The following WIF1 variants were observed in gnomAD, a reference collection of about 807,000 sequenced individuals.
The protein encoded by WIF1 is Wnt inhibitory factor 1.
Under a neutral mutation model 53.5 loss-of-function variants are expected in WIF1, and 35 were observed. That is an observed-to-expected ratio of 0.65 (90% CI 0.50 to 0.87). WIF1 has a LOEUF of 0.87. Among genes scored for constraint, WIF1 ranks in the 40% least tolerant of loss-of-function variants. The pLI is 0.00. For synonymous variants in WIF1, 171 were observed against 170.4 expected (o/e 1.00, Z -0.03); for missense variants, 467 against 476.8 (o/e 0.98, Z 0.19).
chr12:65,090,020 C>T (rs1430886753), intron 2 of WIF1, among the ~76,000 whole-genome samples: 2 of 152,252 alleles, frequency 1.3e-5, no homozygotes, highest in East Asian at 3.9e-4. Context: ...ATAGGTAACT[C>T]ACCTTTTACC....
At chr12:65,099,674 C>T (rs563915534) in intron 2 of WIF1, among the ~76,000 whole-genome samples, 2 of 152,254 alleles carry the variant, frequency 1.3e-5, no homozygotes, top group Non-Finnish European at 1.5e-5. Context: ...CTATATCTAC[C>T]CTTTCCTCTT....
At chr12:65,116,400 C>T (rs116182037) in intron 2 of WIF1, among the ~76,000 whole-genome samples, 1 of 151,852 alleles carries the variant, frequency 6.6e-6, no homozygotes, top group African/African-American at 2.4e-5. Context: ...TGTAAGGGAT[C>T]TAGGTTATGC....
chr12:65,117,524 A>AT (rs1883531254), intron 2 of WIF1, among the ~76,000 whole-genome samples: 1 of 152,114 alleles, frequency 6.6e-6, no homozygotes. Flanking sequence ...TGTGGAAGAC[A>AT]TTTTTTCCAT....
chr12:65,070,792 T>A (rs1461991593), intron 3 of WIF1, among the ~76,000 whole-genome samples: 1 of 152,148 alleles, frequency 6.6e-6, no homozygotes, highest in Non-Finnish European at 1.5e-5. Flanking sequence ...GAAGAGAAGA[T>A]GCCTATCAGT....
chr12:65,080,050 A>G (rs1191820807), intron 2 of WIF1, among the ~76,000 whole-genome samples: 1 of 152,224 alleles, frequency 6.6e-6, no homozygotes, highest in East Asian at 1.9e-4. Flanking sequence ...AAATCACAGT[A>G]TCACATGCAG....
chr12:65,072,482 C>T (rs1039009291), intron 3 of WIF1, among the ~76,000 whole-genome samples: 1 of 152,138 alleles, frequency 6.6e-6, no homozygotes, highest in African/African-American at 2.4e-5. Flanking sequence ...AGAACTATAT[C>T]TTGTTTTTGT....
chr12:65,112,417 C>CACACACAA (rs1883445604), intron 2 of WIF1, among the ~76,000 whole-genome samples: 1 of 142,358 alleles, frequency 7.0e-6, no homozygotes, highest in Non-Finnish European at 1.5e-5. Context: ...CACACACACA[C>CACACACAA]ACACACACAC....
intron 2 of WIF1, among the ~76,000 whole-genome samples, chr12:65,095,383 C>G (rs1363618230): frequency 6.6e-6 from 1 of 152,154 alleles, no homozygotes; most frequent in Non-Finnish European, 1.5e-5. Flanking sequence ...AACTTTTCCT[C>G]TTGTAAATAT....
intron 3 of WIF1, among the ~76,000 whole-genome samples, chr12:65,069,621 G>A (rs1407417607): frequency 6.6e-6 from 1 of 152,138 alleles, no homozygotes; most frequent in Non-Finnish European, 1.5e-5. Context: ...ATATCTAATG[G>A]TTTATGTTCT....
rs1882997111 is a variant in WIF1 at position 65,083,948 on chromosome 12, C to G, written c.289-6094G>C. 1.9e-5 allele frequency: 5 copies of G among 261,054 alleles called. No homozygotes were observed. In the South Asian group the frequency reaches 2.2e-4, roughly 12 times the overall value. 16.2% of individuals were successfully genotyped at this position (261,054 alleles called of 1,614,324 possible). On this transcript the variant is annotated intron_variant, in intron 2 of 9. Coordinates refer to ENST00000286574, the MANE Select transcript of WIF1 (RefSeq NM_007191.5). The stretch of plus-strand genomic sequence containing the variant: ...CAACCTCCTGGGCTCAAGCCATCCT[C>G]CCATCTCACCCCTCCAAGTAGCTGG...
At chr12:65,094,316 G>A (rs752427698) in intron 2 of WIF1, among the ~76,000 whole-genome samples, 6 of 152,116 alleles carry the variant, frequency 3.9e-5, no homozygotes, top group East Asian at 1.9e-4. Flanking sequence ...AAAATATATC[G>A]GGGGGAAAAT....
At chr12:65,056,414 CG>C (rs1404200022) in intron 7 of WIF1, among the ~76,000 whole-genome samples, 1 of 56,352 alleles carries the variant, frequency 1.8e-5, no homozygotes, top group South Asian at 7.1e-4. Context: ...TAAGTAAAGA[CG>C]GGTTTCATTC....
At chr12:65,117,328 C>A (rs1883528015) in intron 2 of WIF1, among the ~76,000 whole-genome samples, 1 of 152,180 alleles carries the variant, frequency 6.6e-6, no homozygotes, top group Non-Finnish European at 1.5e-5. Flanking sequence ...TATGATAATG[C>A]ACTATTCTCC....
In WIF1 at chr12:65,068,915, A is replaced by G; in HGVS notation, c.398-11T>C. Reference sequence around the variant, plus strand: ...AACCAACTTGAACAACTAAAAGAAAAAAAGAGAAAGTGTGGAGAAATAGTT... The same window carrying G: ...AACCAACTTGAACAACTAAAAGAAAGAAAGAGAAAGTGTGGAGAAATAGTT... On this transcript the variant is annotated splice_polypyrimidine_tract_variant and intron_variant, in intron 3 of 9. Coordinates refer to ENST00000286574, the MANE Select transcript of WIF1 (RefSeq NM_007191.5). 6.2e-7 allele frequency: 1 copy of G among 1,609,816 alleles called. No homozygotes were observed. Among genetic ancestry groups the G allele is most frequent in the Non-Finnish European group, 8.5e-7 (1 of 1,178,638 alleles).
rs34105816 is a variant in WIF1, at chr12:65,068,843, A to G, written c.459T>C (p.Asp153=). 32,208 of 1,613,638 alleles carry G rather than the reference A, an allele frequency of 0.02. 425 individuals carry two copies. The highest frequency in any genetic ancestry group is 0.045 in the Admixed American group (2,710 of 59,950). The change falls in exon 4 of 10, where the codon GAT becomes GAC. Residue 153 remains aspartate (D), a synonymous_variant. Transcript: ENST00000286574. The stretch of plus-strand genomic sequence containing the variant: ...TGCCTTCAGAATTCATAACAATCAC[A>G]TCCACTTCAAATGCTGCCACCCCAT... The part of the protein sequence containing the change: ...KQDGVAAFEV[D]VIVMNSEGNT...
chr12:65,120,403 T>TTCTCAGAA lies in WIF1; in HGVS notation c.288+6_288+13dup, dbSNP rs767051429. 8.1e-6 allele frequency: 13 copies of TTCTCAGAA among 1,611,074 alleles called. No individual in the cohort carries two copies. The highest frequency in any genetic ancestry group is 1.0e-5 in the Non-Finnish European group (12 of 1,178,884). ...GCAGTGGAAATATTAAAGGGTAATT[T>TTCTCAGAA]TCTCAGAACTTACCTGCCCTGCAGC... On this transcript the variant is annotated intron_variant, in intron 2 of 9. Coordinates refer to ENST00000286574, the MANE Select transcript of WIF1 (RefSeq NM_007191.5).
At chr12:65,075,181 C>G (rs537307863) in intron 3 of WIF1, among the ~76,000 whole-genome samples, 2 of 152,162 alleles carry the variant, frequency 1.3e-5, no homozygotes, top group African/African-American at 2.4e-5. Flanking sequence ...TCTACACCCA[C>G]GATGACACTT....
intron 2 of WIF1, among the ~76,000 whole-genome samples, chr12:65,117,173 G>A (rs1356340965): frequency 6.6e-6 from 1 of 151,882 alleles, no homozygotes; most frequent in East Asian, 1.9e-4. Context: ...AACACTCTTG[G>A]ACCTAAATTT....
intron 2 of WIF1, among the ~76,000 whole-genome samples, chr12:65,087,784 T>G (rs777584827): frequency 1.3e-5 from 2 of 152,096 alleles, no homozygotes; most frequent in African/African-American, 2.4e-5. Flanking sequence ...ACAAGGTATC[T>G]TCTAATGAGC....
Sources: allele counts gnomAD v4.1 joint callset (sites outside exome capture counted in the v4.1 genomes callset), GRCh38; gene constraint gnomAD v4.1.1; transcripts MANE v1.5; gene names NCBI Gene and HGNC (gene_info 2026-07-23, HGNC 2026-07-21).